DSCAML1: variants seen among roughly 807,000 people sequenced by gnomAD.
The protein encoded by DSCAML1 is cell adhesion molecule DSCAML1.
In DSCAML1, 38 loss-of-function variants were observed where a neutral mutation model predicts 200.5. The observed-to-expected ratio is 0.19, with a 90% CI of 0.15 to 0.25. The LOEUF is 0.25. DSCAML1 is among the 10% of genes least tolerant of loss of function. DSCAML1 has a pLI of 1.00. For synonymous variants in DSCAML1, 1,215 were observed against 1,165.0 expected, an observed-to-expected ratio of 1.04 and a Z score of -0.87; for missense variants, 2,223 against 2,858.8, an observed-to-expected ratio of 0.78 and a Z score of 5.07.
chr11:117,629,923 A>G (rs2052135180), intron 3 of DSCAML1, among the ~76,000 whole-genome samples: 1 of 152,128 alleles, frequency 6.6e-6, no homozygotes, highest in Admixed American at 6.5e-5. Context: ...CAGGGTTGAG[A>G]CTGCTTGAGC....
chr11:117,751,981 T>C (rs2054613144), intron 3 of DSCAML1, among the ~76,000 whole-genome samples: 1 of 152,208 alleles, frequency 6.6e-6, no homozygotes, highest in Non-Finnish European at 1.5e-5. Flanking sequence ...AGGATTTTCA[T>C]AAAGGGAATT....
chr11:117,679,934 C>T (rs1336764985), intron 3 of DSCAML1, among the ~76,000 whole-genome samples: 1 of 152,230 alleles, frequency 6.6e-6, no homozygotes, highest in Non-Finnish European at 1.5e-5. Context: ...CAGCAAGACT[C>T]TTGGGTCATG....
chr11:117,765,055 G>C (rs570749662), intron 3 of DSCAML1, among the ~76,000 whole-genome samples: 3 of 152,194 alleles, frequency 2.0e-5, no homozygotes, highest in Non-Finnish European at 2.9e-5. Context: ...GACCCTAAAG[G>C]CTTGGGTATT....
intron 1 of DSCAML1, among the ~76,000 whole-genome samples, chr11:117,805,602 T>C (rs1591525047): frequency 6.6e-6 from 1 of 152,290 alleles, no homozygotes; most frequent in African/African-American, 2.4e-5. Flanking sequence ...AATCTCCAAG[T>C]GCTACAGTAT....
At chr11:117,508,734 A>G (rs565917240) in intron 8 of DSCAML1, among the ~76,000 whole-genome samples, 2 of 152,208 alleles carry the variant, frequency 1.3e-5, no homozygotes, top group African/African-American at 2.4e-5. Context: ...AACAGGATGT[A>G]TGGGCAAAGC....
In DSCAML1 at chr11:117,443,929, C is replaced by T. The variant is rs778589365; in HGVS notation, c.3819G>A (p.Arg1273=). The change falls in exon 21 of 33, where the codon CGG becomes CGA. Residue 1273 remains arginine, a synonymous_variant. Coordinates refer to ENST00000651296, the MANE Select transcript of DSCAML1 (RefSeq NM_020693.4). Reference sequence around the variant, plus strand: ...TGGTCACCTTCTCGCTGCTGTTGCCCCGGCCGGCAGAGGTGACGGCGGCCA... The same window carrying T: ...TGGTCACCTTCTCGCTGCTGTTGCCTCGGCCGGCAGAGGTGACGGCGGCCA... The part of the protein sequence containing the change: ...LWVAAVTSAG[R]GNSSEKVTIE... The T allele has an allele frequency of 4.3e-6, 7 of 1,612,848 alleles. No homozygotes were observed. Among genetic ancestry groups the T allele is most frequent in the Non-Finnish European group, 5.9e-6 (7 of 1,179,700 alleles).
At chr11:117,684,465 A>G (rs2053370600) in intron 3 of DSCAML1, among the ~76,000 whole-genome samples, 1 of 151,790 alleles carries the variant, frequency 6.6e-6, no homozygotes, top group African/African-American at 2.4e-5. Flanking sequence ...AAAAAAGAAA[A>G]AAAGAGGAAG....
In DSCAML1 at chr11:117,505,593, C is replaced by T. The variant is rs370533690; in HGVS notation, c.1923G>A (p.Ser641=). 10 of 1,613,802 alleles carry T rather than the reference C, an allele frequency of 6.2e-6. No individual in the cohort carries two copies. The highest frequency in any genetic ancestry group is 4.5e-5 in the East Asian group (2 of 44,872). ...RKDGQVIISG[S]GVTIESKEFM... is the part of the protein sequence containing the mutation. The stretch of plus-strand genomic sequence containing the variant: ...ATTCCTTGCTCTCGATGGTCACGCC[C>T]GAGCCTGAGATGATCACCTGTCCGT... The change falls in exon 9 of 33, where the codon TCG becomes TCA. Residue 641 remains serine, a synonymous_variant. Transcript: ENST00000651296. This position sits in a 1 kb window ranked among gnomAD's most constrained non-coding sequence, Gnocchi z 6.7.
intron 3 of DSCAML1, among the ~76,000 whole-genome samples, chr11:117,722,508 T>C (rs567859757): frequency 5.1e-4 from 77 of 152,284 alleles, no homozygotes; most frequent in Non-Finnish European, 7.2e-4. Context: ...GTATGTTTTA[T>C]AGAAGCTAGA....
intron 8 of DSCAML1, among the ~76,000 whole-genome samples, chr11:117,512,643 T>TGTACACACACACACACACAC (rs1555179270): frequency 8.0e-6 from 1 of 125,140 alleles, no homozygotes; most frequent in Non-Finnish European, 1.7e-5. Context: ...CAAGCGTGTG[T>TGTACACACACACACACACAC]ACACACACAC....
intron 3 of DSCAML1, among the ~76,000 whole-genome samples, chr11:117,752,403 T>C (rs1162133622): frequency 2.6e-5 from 4 of 152,202 alleles, no homozygotes; most frequent in African/African-American, 7.2e-5. Flanking sequence ...ATTTTAAGTG[T>C]ATCTCACAGC....
intron 3 of DSCAML1, among the ~76,000 whole-genome samples, chr11:117,655,209 G>C (rs1322322362): frequency 6.6e-6 from 1 of 152,240 alleles, no homozygotes; most frequent in Non-Finnish European, 1.5e-5. Context: ...GCAGGCAGAG[G>C]GGTCTGGGTG....
rs184475901 is a variant in DSCAML1 at position 117,717,630 on chromosome 11, C to T, written c.511+59161G>A. ...GCATCCTGACTTCCTGGCGCCATGC[C>T]GTGTTCTAGGCTGGTGAACAGTAAT... On this transcript the variant is annotated intron_variant, in intron 3 of 32. Transcript: ENST00000651296. 4.6e-5 allele frequency among the ~76,000 whole-genome samples: 7 copies of T among 152,290 alleles called. No homozygotes were observed. In the South Asian group the frequency reaches 6.2e-4, roughly 14 times the overall value.
chr11:117,803,850 G>C (rs1308829187), intron 1 of DSCAML1, among the ~76,000 whole-genome samples: 1 of 152,244 alleles, frequency 6.6e-6, no homozygotes, highest in Non-Finnish European at 1.5e-5. Context: ...CCTTGACTTA[G>C]ATGATGAAAG....
chr11:117,552,691 C>A (rs2050489847), intron 3 of DSCAML1, among the ~76,000 whole-genome samples: 1 of 152,198 alleles, frequency 6.6e-6, no homozygotes, highest in African/African-American at 2.4e-5. Flanking sequence ...TGATTGCTAT[C>A]ATCGTTTTGA....
chr11:117,692,840 G>C (rs564828068), intron 3 of DSCAML1, among the ~76,000 whole-genome samples: 1 of 152,300 alleles, frequency 6.6e-6, no homozygotes, highest in East Asian at 1.9e-4. Flanking sequence ...GAAACCGGTT[G>C]TTCTACAGCT....
chr11:117,448,808 C>T (rs2048229849), intron 20 of DSCAML1, among the ~76,000 whole-genome samples: 1 of 152,146 alleles, frequency 6.6e-6, no homozygotes, highest in Non-Finnish European at 1.5e-5. Flanking sequence ...AGGCTGTTCT[C>T]AGTGAACACC....
At chr11:117,617,688 A>ATG (rs2051839065) in intron 3 of DSCAML1, among the ~76,000 whole-genome samples, 1 of 78,146 alleles carries the variant, frequency 1.3e-5, no homozygotes. Context: ...ACGCACACAC[A>ATG]CACACACACA....
At chr11:117,574,876 G>A (rs577667664) in intron 3 of DSCAML1, among the ~76,000 whole-genome samples, 4 of 152,276 alleles carry the variant, frequency 2.6e-5, no homozygotes, top group African/African-American at 9.6e-5. Context: ...CAGTCCCAGG[G>A]GTGAGCAGGC....
Sources: gnomAD v4.1 joint callset for allele counts (sites outside exome capture counted in the v4.1 genomes callset) on GRCh38, gnomAD v4.1.1 for gene constraint, Gnocchi (gnomAD v3.1) non-coding constraint, MANE v1.5 for transcripts, NCBI Gene and HGNC (gene_info 2026-07-23, HGNC 2026-07-21) for gene names.